The following NBEA variants were observed in gnomAD, a reference collection of about 807,000 sequenced individuals.
NBEA encodes neurobeachin, also known as lysosomal-trafficking regulator 2.
NBEA carries 44 observed loss-of-function variants against 343.4 expected under a neutral mutation model. The observed-to-expected ratio is 0.13, with a 90% CI of 0.10 to 0.16. The LOEUF (loss-of-function observed/expected upper bound fraction) is 0.16. Ranked by LOEUF, NBEA falls within the 10% of genes least tolerant of loss-of-function variation. NBEA has a pLI of 1.00. For missense variants in NBEA, 2,555 were observed against 3,631.3 expected (o/e 0.70, Z 7.62); for synonymous variants, 1,175 against 1,238.7 (o/e 0.95, Z 1.08).
chr13:35,251,447 A>T (rs959930059), intron 34 of NBEA: 1 of 1,058,112 alleles, frequency 9.5e-7, no homozygotes, highest in South Asian at 2.9e-5. Context: ...ATGCTGGAGA[A>T]CTTATCACTC....
intron 41 of NBEA, among the ~76,000 whole-genome samples, chr13:35,507,130 T>C (rs1416372951): frequency 6.6e-6 from 1 of 152,134 alleles, no homozygotes; most frequent in East Asian, 1.9e-4. Flanking sequence ...TAGGCCAATC[T>C]CTATTCTATT....
chr13:34,977,514 G>A (rs1053481606), intron 1 of NBEA, among the ~76,000 whole-genome samples: 1 of 151,942 alleles, frequency 6.6e-6, no homozygotes, highest in African/African-American at 2.4e-5. Context: ...TCACCATGTT[G>A]GCCAGGCTGA....
chr13:35,253,624 A>C (rs1417621418), intron 34 of NBEA, among the ~76,000 whole-genome samples: 1 of 152,214 alleles, frequency 6.6e-6, no homozygotes, highest in African/African-American at 2.4e-5. Context: ...ACTATGACCT[A>C]GCAGTCAAAT....
chr13:35,662,973 A>G (rs2085173781), intron 55 of NBEA, among the ~76,000 whole-genome samples: 1 of 152,164 alleles, frequency 6.6e-6, no homozygotes, highest in African/African-American at 2.4e-5. Context: ...TCTTACAAAT[A>G]CTTTTTTAGA....
chr13:35,559,117 A>G (rs2079730664), intron 44 of NBEA, among the ~76,000 whole-genome samples: 1 of 152,196 alleles, frequency 6.6e-6, no homozygotes, highest in Non-Finnish European at 1.5e-5. Flanking sequence ...TAAACTGAGC[A>G]CCAGCATTAA....
rs1011441412 is a variant in NBEA at position 35,364,889 on chromosome 13, G to C, written c.6179+12566G>C. On this transcript the variant is annotated intron_variant, in intron 38 of 58. Transcript: ENST00000379939. ...TTCCTTAAAACAAAATATAATGCAG[G>C]TGCAAAGGGAGAGGAGTTGAAAATA... Among the ~76,000 whole-genome samples the C allele has an allele frequency of 1.1e-4, 16 of 151,710 alleles. 1 individual carries two copies. The highest frequency in any genetic ancestry group is 9.9e-4 in the Admixed American group (15 of 15,192).
intron 48 of NBEA, among the ~76,000 whole-genome samples, chr13:35,627,637 C>T (rs1041108217): frequency 5.9e-5 from 9 of 151,894 alleles, no homozygotes; most frequent in Admixed American, 2.0e-4. Flanking sequence ...GGACTTCAGG[C>T]AGGAAAATAA....
chr13:35,418,569 A>G (rs2044086900), intron 38 of NBEA, among the ~76,000 whole-genome samples: 1 of 152,038 alleles, frequency 6.6e-6, no homozygotes, highest in Non-Finnish European at 1.5e-5. Flanking sequence ...TGCTCAGTAA[A>G]TATATTTTTG....
Position 35,057,779 on chromosome 13 carries a change from G to A in NBEA, c.1093-938G>A, listed in dbSNP as rs554650260. On this transcript the variant is annotated intron_variant, in intron 7 of 58. Transcript: ENST00000379939. ...AAAAGACTTAGTTTTTTGGTTATTT[G>A]TAATAGTGCCCTAAGAAGTGGAGAA... is the stretch of plus-strand genomic sequence containing the variant. 2.1e-4 allele frequency among the ~76,000 whole-genome samples: 32 copies of A among 152,118 alleles called. 1 individual carries two copies. The East Asian group carries it at 6.0e-3, about 28-fold the overall frequency.
intron 1 of NBEA, among the ~76,000 whole-genome samples, chr13:35,001,951 T>C (rs1332197974): frequency 2.0e-5 from 3 of 152,076 alleles, no homozygotes; most frequent in Admixed American, 2.0e-4. Context: ...TAATTAAAAA[T>C]TAAAATAGGT....
chr13:35,025,792 AT>A (rs1394911330), intron 1 of NBEA, among the ~76,000 whole-genome samples: 3 of 151,636 alleles, frequency 2.0e-5, no homozygotes, highest in African/African-American at 7.3e-5. Context: ...CTCCATCTTC[AT>A]TTTGTTTTTT....
At chr13:35,267,698 T>C (rs2033800198) in intron 34 of NBEA, among the ~76,000 whole-genome samples, 1 of 151,610 alleles carries the variant, frequency 6.6e-6, no homozygotes, top group African/African-American at 2.4e-5. Flanking sequence ...TGAGTAGACA[T>C]TTTTTCAAAA....
Position 35,616,270 on chromosome 13 carries a change from A to G in NBEA, c.7449+9692A>G, listed in dbSNP as rs549188802. Among the ~76,000 whole-genome samples, 7 of 152,312 alleles carry G rather than the reference A, an allele frequency of 4.6e-5. No homozygotes were observed. The South Asian group carries it at 1.5e-3, about 32-fold the overall frequency. ...TCCACCTGTATTTTGAATTAAATTTAATTTATAGATTGACCTGCGAACAAA... is the reference window on the plus strand; with the variant it reads ...TCCACCTGTATTTTGAATTAAATTTGATTTATAGATTGACCTGCGAACAAA... On this transcript the variant is annotated intron_variant, in intron 48 of 58. Transcript: ENST00000379939.
intron 17 of NBEA, among the ~76,000 whole-genome samples, chr13:35,136,374 C>G (rs758561045): frequency 6.6e-6 from 1 of 152,076 alleles, no homozygotes; most frequent in Admixed American, 6.6e-5. Flanking sequence ...GATTGATGTT[C>G]TGTGATGAAA....
At chr13:35,506,485 C>G (rs190790053) in intron 41 of NBEA, among the ~76,000 whole-genome samples, 5 of 152,114 alleles carry the variant, frequency 3.3e-5, no homozygotes, top group Non-Finnish European at 7.4e-5. Context: ...TTTGAGAAAT[C>G]AAATGTATTG....
At chr13:35,310,971 A>G (rs2037322890) in intron 36 of NBEA, among the ~76,000 whole-genome samples, 3 of 152,244 alleles carry the variant, frequency 2.0e-5, no homozygotes, top group South Asian at 4.1e-4. Context: ...TTCTGTTTTT[A>G]TAACAATTTA....
chr13:35,651,833 G>T lies in NBEA; in HGVS notation c.7992G>T (p.Leu2664Phe). 1 of 1,546,168 alleles carries T rather than the reference G, an allele frequency of 6.5e-7. No homozygotes were observed. The highest frequency in any genetic ancestry group is 8.8e-7 in the Non-Finnish European group (1 of 1,142,226). The change falls in exon 53 of 59, where the codon TTG (leucine) becomes TTT (phenylalanine). Residue 2664 changes from leucine to phenylalanine, a missense_variant. Coordinates refer to ENST00000379939, the MANE Select transcript of NBEA (RefSeq NM_001385012.1). ...VGLRGAPGYS[L>F]DQAHHLPIEM... ...TCAGAGGAGCTCCAGGATACTCCTT[G>T]GATCAAGCCCACCATCTTCCCATTG... is the stretch of plus-strand genomic sequence containing the variant.
At chr13:35,354,099 G>A (rs117565144) in intron 38 of NBEA, among the ~76,000 whole-genome samples, 99 of 152,234 alleles carry the variant, frequency 6.5e-4, no homozygotes, top group Non-Finnish European at 1.3e-3. Flanking sequence ...GACTGTAGAT[G>A]TTAATCATAT....
intron 1 of NBEA, among the ~76,000 whole-genome samples, chr13:35,001,766 T>G (rs1377801510): frequency 6.6e-6 from 1 of 152,090 alleles, no homozygotes; most frequent in African/African-American, 2.4e-5. Flanking sequence ...GGGTGACTAT[T>G]GTTAACAATT....
Sources: allele counts gnomAD v4.1 joint callset (sites outside exome capture counted in the v4.1 genomes callset), GRCh38; gene constraint gnomAD v4.1.1; transcripts MANE v1.5; gene names NCBI Gene and HGNC (gene_info 2026-07-23, HGNC 2026-07-21).